Variants in CDK7 observed in about 807,000 individuals in gnomAD.
CDK7 encodes cyclin dependent kinase 7.
In CDK7, 25 loss-of-function variants were observed where a neutral mutation model predicts 49.1. The observed-to-expected ratio is 0.51, with a 90% CI of 0.37 to 0.71. The LOEUF (loss-of-function observed/expected upper bound fraction) is 0.71. Among genes scored for constraint, CDK7 ranks in the 30% least tolerant of loss-of-function variants. The pLI is 0.00. For missense variants in CDK7, 316 were observed against 411.7 expected (o/e 0.77, Z 2.01); for synonymous variants, 107 against 140.0 (o/e 0.76, Z 1.67).
At position 69,276,655 on chromosome 5, in the gene CDK7, C is replaced by G. The variant is rs1561382952; in HGVS notation, c.977C>G (p.Ala326Gly). ...AAGGAGCAATCAAATCCAGCTTTGGCAATAAAAAGGAAAAGAACAGAGGCC... is the reference window on the plus strand; with the variant it reads ...AAGGAGCAATCAAATCCAGCTTTGGGAATAAAAAGGAAAAGAACAGAGGCC... ...TLKEQSNPAL[A>G]IKRKRTEALE... The change falls in exon 11 of 12, where the codon GCA becomes GGA. Residue 326 changes from alanine (A) to glycine (G), a missense_variant. Transcript: ENST00000256443. 6.2e-7 allele frequency: 1 copy of G among 1,613,948 alleles called. No individual in the cohort carries two copies. The highest frequency in any genetic ancestry group is 8.5e-7 in the Non-Finnish European group (1 of 1,179,926).
intron 10 of CDK7, among the ~76,000 whole-genome samples, chr5:69,275,076 A>AAC: frequency 6.6e-6 from 1 of 152,154 alleles, no homozygotes; most frequent in East Asian, 1.9e-4. Context: ...AAAAAAAAAA[A>AAC]AAAGACAAGC....
At chr5:69,258,242 CAATG>C (rs908675288) in intron 6 of CDK7, 89 bp downstream of exon 6, 6 of 605,526 alleles carry the variant, frequency 9.9e-6, no homozygotes, top group Non-Finnish European at 1.7e-5. Flanking sequence ...AATTGTTTAA[CAATG>C]AATTTATAGC....
Position 69,272,519 on chromosome 5 carries a change from C to T in CDK7, c.715-373C>T, listed in dbSNP as rs866113728. ...TGTTGAATATTCCAATATGTGAACA[C>T]GATATGTTTCACCATTTATTGAGAT... On this transcript the variant is annotated intron_variant, in intron 9 of 11. Coordinates refer to ENST00000256443, the MANE Select transcript of CDK7 (RefSeq NM_001799.4). 6.6e-5 allele frequency among the ~76,000 whole-genome samples: 10 copies of T among 152,188 alleles called. No homozygotes were observed. In the South Asian group the frequency reaches 1.0e-3, roughly 16 times the overall value.
chr5:69,262,137 C>G (rs1750864933), intron 7 of CDK7, 68 bp from the exon 8 acceptor site: 4 of 1,593,584 alleles, frequency 2.5e-6, no homozygotes, highest in Non-Finnish European at 3.4e-6. Flanking sequence ...AAGGATCGTT[C>G]ATCCCTAGAG....
At chr5:69,244,656 A>G (rs1580275814) in intron 2 of CDK7, among the ~76,000 whole-genome samples, 1 of 141,294 alleles carries the variant, frequency 7.1e-6, no homozygotes, top group Non-Finnish European at 1.6e-5. Flanking sequence ...AAAAAAAAAA[A>G]AGATCATATC....
chr5:69,273,767 T>G (rs763588983), intron 10 of CDK7, among the ~76,000 whole-genome samples: 1 of 152,186 alleles, frequency 6.6e-6, no homozygotes, highest in Non-Finnish European at 1.5e-5. Context: ...ATATTAAGCA[T>G]ACAAAATAGA....
rs1751942107 is a variant in CDK7 at position 69,274,790 on chromosome 5, A to AT, written c.865-1748dup. On this transcript the variant is annotated intron_variant, in intron 10 of 11. Coordinates refer to ENST00000256443, the MANE Select transcript of CDK7 (RefSeq NM_001799.4). ...ACCACCATGCCTGGCTAATTTTTGG[A>AT]TTTTTAGTAGAGACAGGGTTTCACC... 2.0e-5 allele frequency among the ~76,000 whole-genome samples: 3 copies of AT among 151,934 alleles called. No homozygotes were observed. The South Asian group carries it at 6.2e-4, about 31-fold the overall frequency.
At chr5:69,254,771 C>A in intron 4 of CDK7, 102 bp downstream of exon 4, 1 of 698,698 alleles carries the variant, frequency 1.4e-6, no homozygotes, top group Non-Finnish European at 2.6e-6. Context: ...TCTGGATGAG[C>A]CTTGTAGAAG....
intron 2 of CDK7, among the ~76,000 whole-genome samples, chr5:69,243,532 GTTA>G (rs34847033): frequency 0.11 from 17,085 of 152,064 alleles, 1,145 homozygotes; most frequent in South Asian, 0.19. Flanking sequence ...TGCTGTTTTG[GTTA>G]TTATAGCTTT....
At chr5:69,254,396 C>T (rs1470625279) in intron 3 of CDK7, among the ~76,000 whole-genome samples, 1 of 151,796 alleles carries the variant, frequency 6.6e-6, no homozygotes, top group Non-Finnish European at 1.5e-5. Context: ...GTGGCGCGTG[C>T]CTGTAATCCC....
At chr5:69,262,749 C>T (rs1002325279) in intron 8 of CDK7, among the ~76,000 whole-genome samples, 2 of 151,692 alleles carry the variant, frequency 1.3e-5, no homozygotes, top group Non-Finnish European at 2.9e-5. Flanking sequence ...TACAAATAGT[C>T]CAATTTTTAA....
At chr5:69,273,496 T>C (rs532620409) in intron 10 of CDK7, among the ~76,000 whole-genome samples, 61 of 152,276 alleles carry the variant, frequency 4.0e-4, no homozygotes, top group African/African-American at 1.4e-3. Flanking sequence ...ATTCTCACAT[T>C]GAGAACATGG....
intron 7 of CDK7, 21 bp downstream of exon 7, chr5:69,259,957 C>A: frequency 7.1e-7 from 1 of 1,405,168 alleles, no homozygotes; most frequent in Non-Finnish European, 1.0e-6. Context: ...CTTAAAGCTA[C>A]ATGTGCAGGA....
rs747479948 is a variant in CDK7, at chr5:69,252,446, A to G, written c.155A>G (p.Lys52Arg). 1 of 1,545,416 alleles carries G rather than the reference A, an allele frequency of 6.5e-7. No individual in the cohort carries two copies. The highest frequency in any genetic ancestry group is 8.8e-7 in the Non-Finnish European group (1 of 1,141,244). Residue 52 changes from lysine (K) to arginine (R), a missense_variant, in exon 3 of 12, where the codon AAA (lysine) becomes AGA (arginine). Lys to Arg is a conservative substitution (Grantham distance 26). Coordinates refer to ENST00000256443, the MANE Select transcript of CDK7 (RefSeq NM_001799.4). ...AAACTTGGACATAGATCAGAAGCTA[A>G]AGATGGTAAGTATTTCATGTAATCT... ...KIKLGHRSEA[K>R]DGINRTALRE...
At chr5:69,243,969 A>G (rs1195248546) in intron 2 of CDK7, among the ~76,000 whole-genome samples, 4 of 150,704 alleles carry the variant, frequency 2.7e-5, no homozygotes, top group African/African-American at 4.9e-5. Context: ...AGTACCTGGG[A>G]TTACAGGCGC....
intron 8 of CDK7, among the ~76,000 whole-genome samples, chr5:69,268,642 G>A (rs1489150538): frequency 6.8e-6 from 1 of 147,698 alleles, no homozygotes; most frequent in Non-Finnish European, 1.5e-5. Flanking sequence ...CACAATGTCA[G>A]GAGATCGAGA....
chr5:69,236,874 A>ACTC (rs1305836376), intron 2 of CDK7, among the ~76,000 whole-genome samples: 1 of 148,882 alleles, frequency 6.7e-6, no homozygotes, highest in Non-Finnish European at 1.5e-5. Flanking sequence ...CTGGTCTCGA[A>ACTC]CTCCTGACCT....
Position 69,252,404 on chromosome 5 carries a change from T to C in CDK7, c.127-14T>C. 1 of 1,529,158 alleles carries C rather than the reference T, an allele frequency of 6.5e-7. No homozygotes were observed. The highest frequency in any genetic ancestry group is 8.9e-7 in the Non-Finnish European group (1 of 1,120,604). 94.7% of individuals were successfully genotyped at this position (1,529,158 alleles called of 1,614,324 possible). A position where few individuals can be genotyped will look rare whatever the true frequency, so the allele number is the denominator to read the frequency against. On this transcript the variant is annotated splice_polypyrimidine_tract_variant and intron_variant, in intron 2 of 11. Coordinates refer to ENST00000256443, the MANE Select transcript of CDK7 (RefSeq NM_001799.4). ...CATTTTTAATATATTTGGGTTTTTT[T>C]CCGTTTCTACCAGATCAAACTTGGA...
At chr5:69,245,197 A>C (rs534308003) in intron 2 of CDK7, among the ~76,000 whole-genome samples, 11 of 151,890 alleles carry the variant, frequency 7.2e-5, no homozygotes, top group African/African-American at 2.7e-4. Flanking sequence ...CCATAGAATG[A>C]GTTTGGAAGT....
Sources: allele counts gnomAD v4.1 joint callset (sites outside exome capture counted in the v4.1 genomes callset), GRCh38; gene constraint gnomAD v4.1.1; transcripts MANE v1.5; gene names NCBI Gene and HGNC (gene_info 2026-07-23, HGNC 2026-07-21).